The following GTF3C2 variants were observed in gnomAD, a reference collection of about 807,000 sequenced individuals.
GTF3C2 encodes the protein general transcription factor 3C polypeptide 2.
In GTF3C2, 17 loss-of-function variants were observed where a neutral mutation model predicts 117.4. The observed-to-expected ratio is 0.14, with a 90% CI of 0.10 to 0.22. GTF3C2 has a LOEUF of 0.22. Ranked by LOEUF, GTF3C2 falls within the 10% of genes least tolerant of loss-of-function variation. The pLI is 1.00. For missense variants in GTF3C2, 888 were observed against 1,143.6 expected (o/e 0.78, Z 3.22); for synonymous variants, 437 against 427.0 (o/e 1.02, Z -0.29).
At chr2:27,339,424 A>G (rs113342475) in intron 4 of GTF3C2, among the ~76,000 whole-genome samples, 44,190 of 146,808 alleles carry the variant, frequency 0.3, 7,285 homozygotes, top group Admixed American at 0.38. Flanking sequence ...AAAAAAAAAA[A>G]AAAGAAAAAA....
chr2:27,342,462 T>C (rs2148306910), intron 3 of GTF3C2: 2 of 562,126 alleles, frequency 3.6e-6, no homozygotes, highest in East Asian at 5.8e-5. Context: ...CCAGGTCTTC[T>C]CACTCCAAGT....
In GTF3C2 at chr2:27,329,959, A is replaced by G. The variant is rs555477801; in HGVS notation, c.1733-436T>C. On this transcript the variant is annotated intron_variant, in intron 12 of 18. Coordinates refer to ENST00000264720, the Ensembl canonical transcript of GTF3C2. The surrounding 1 kb of genome is among the most constrained non-coding windows in gnomAD (Gnocchi z 4.5). ...CAGGAGTTTGAGACCAGCCTGATCA[A>G]CATGGTGAAACCCCGTCTCTACTAA... Among the ~76,000 whole-genome samples the G allele has an allele frequency of 6.6e-6, 1 of 152,050 alleles. No homozygotes were observed. The highest frequency in any genetic ancestry group is 2.4e-5 in the African/African-American group (1 of 41,472).
intron 12 of GTF3C2, among the ~76,000 whole-genome samples, chr2:27,333,066 G>A (rs543135703): frequency 6.6e-6 from 1 of 151,444 alleles, no homozygotes; most frequent in African/African-American, 2.4e-5. Flanking sequence ...AGCTGGTCTT[G>A]AACTCCCAGC....
intron 9 of GTF3C2, 35 bp downstream of exon 9, chr2:27,335,882 G>T: frequency 7.1e-7 from 1 of 1,400,380 alleles, no homozygotes; most frequent in South Asian, 1.2e-5. Context: ...CTGGCTTTGA[G>T]TCCTAGGGCC....
intron 4 of GTF3C2, among the ~76,000 whole-genome samples, chr2:27,338,444 GCGCACGCGCACGCGCGCA>G (rs1455727889): frequency 2.8e-5 from 3 of 107,846 alleles, no homozygotes; most frequent in South Asian, 2.7e-4. Flanking sequence ...CTACACAGGC[GCGCACGCGCACGCGCGCA>G]CACACACACA....
chr2:27,355,108 G>A (rs898409686), intron 1 of GTF3C2, among the ~76,000 whole-genome samples: 7 of 151,980 alleles, frequency 4.6e-5, no homozygotes, highest in African/African-American at 1.5e-4. Context: ...TTTAATTTTC[G>A]CCAATCTGAT....
exon 2 of GTF3C2, chr2:27,343,524 G>A (rs747794450): frequency 6.2e-7 from 1 of 1,613,902 alleles, no homozygotes; most frequent in Non-Finnish European, 8.5e-7. Context: ...GCCTCCCCCA[G>A]GGCAACATAG....
At chr2:27,330,515 A>G (rs1680241142) in intron 12 of GTF3C2, among the ~76,000 whole-genome samples, 2 of 152,118 alleles carry the variant, frequency 1.3e-5, no homozygotes, top group African/African-American at 4.8e-5. Context: ...CAAGACAAAG[A>G]GAACAGGCAA....
At chr2:27,340,399 T>C (rs891967287) in intron 4 of GTF3C2, 1 of 150,976 alleles carries the variant, frequency 6.6e-6, no homozygotes, top group Non-Finnish European at 1.5e-5. Context: ...CCCAGCTAAT[T>C]ATTTTTGTAT....
chr2:27,337,721 C>T (rs1222258918), intron 5 of GTF3C2, 163 bp from the exon 6 acceptor site: 1 of 688,990 alleles, frequency 1.5e-6, no homozygotes, highest in East Asian at 2.6e-5. Flanking sequence ...GCTAGCGCAG[C>T]TGAGAAACAG....
intron 10 of GTF3C2, among the ~76,000 whole-genome samples, chr2:27,334,694 G>A (rs887166601): frequency 1.3e-5 from 2 of 150,700 alleles, no homozygotes; most frequent in Non-Finnish European, 2.9e-5. Flanking sequence ...CCAGGCTACA[G>A]TGCAGTGGCA....
At chr2:27,326,746 A>G (rs1345499152) in exon 19 of GTF3C2, 3 of 1,614,070 alleles carry the variant, frequency 1.9e-6, no homozygotes, top group East Asian at 2.2e-5. Context: ...GATGGTTGGA[A>G]CATAGCATTG....
chr2:27,337,111 GCACT>G, intron 7 of GTF3C2, 129 bp downstream of exon 7: 1 of 636,966 alleles, frequency 1.6e-6, no homozygotes, highest in Non-Finnish European at 2.8e-6. Context: ...GCTCTAGTCA[GCACT>G]CTTATTCTTG....
At chr2:27,339,496 A>AT (rs1425952677) in intron 4 of GTF3C2, 1 of 152,118 alleles carries the variant, frequency 6.6e-6, no homozygotes, top group Non-Finnish European at 1.5e-5. Context: ...ATGGAACGAA[A>AT]TATCCATGAT....
At chr2:27,326,393 G>C in exon 19 of GTF3C2, 2 of 544,988 alleles carry the variant, frequency 3.7e-6, no homozygotes, top group South Asian at 2.0e-5. Context: ...TGAGCAGTTT[G>C]ACTCCCAAGC....
chr2:27,342,037 C>A, exon 4 of GTF3C2: 2 of 1,614,172 alleles, frequency 1.2e-6, no homozygotes, highest in Non-Finnish European at 1.7e-6. Flanking sequence ...TCTTCCACAT[C>A]TTCAGCCTCA....
intron 1 of GTF3C2, among the ~76,000 whole-genome samples, chr2:27,349,632 A>G (rs1430607019): frequency 6.6e-6 from 1 of 151,702 alleles, no homozygotes; most frequent in Non-Finnish European, 1.5e-5. Context: ...AAATAGGAAT[A>G]AAGGGAGTAC....
Position 27,337,230 on chromosome 2 carries a change from T to C in GTF3C2, c.1127+14A>G. 6 of 1,469,146 alleles carry C rather than the reference T, an allele frequency of 4.1e-6. No homozygotes were observed. In the South Asian group the frequency reaches 7.0e-5, roughly 17 times the overall value. 91.0% of individuals were successfully genotyped at this position (1,469,146 alleles called of 1,614,324 possible). On this transcript the variant is annotated intron_variant, in intron 7 of 18. Transcript: ENST00000264720. ...TCCTAGAATCAGAAAAAAGGGCGGA[T>C]GTGCAATCTTCACCTGTTTATTCGG... is the stretch of plus-strand genomic sequence containing the variant.
chr2:27,327,908 G>A (rs1680140833), intron 17 of GTF3C2, 129 bp downstream of exon 17: 1 of 676,950 alleles, frequency 1.5e-6, no homozygotes, highest in Admixed American at 3.4e-5. Flanking sequence ...TTACAGGCAT[G>A]AGCCACTGCA....
Sources: gnomAD v4.1 joint callset for allele counts (sites outside exome capture counted in the v4.1 genomes callset) on GRCh38, gnomAD v4.1.1 for gene constraint, Gnocchi (gnomAD v3.1) non-coding constraint, MANE v1.5 for transcripts, NCBI Gene and HGNC (gene_info 2026-07-23, HGNC 2026-07-21) for gene names.